The following MORN1 variants were observed in gnomAD, a reference collection of about 807,000 sequenced individuals.
The protein encoded by MORN1 is MORN repeat containing 1, also known as MORN repeat-containing protein 1.
A neutral mutation model predicts 61.9 loss-of-function variants in MORN1; 67 were observed. The observed-to-expected ratio is 1.08, with a 90% CI of 0.89 to 1.33. The LOEUF (loss-of-function observed/expected upper bound fraction) is 1.33. Among genes scored for constraint, MORN1 ranks in the 40% most tolerant of loss-of-function variants. The pLI, the probability that MORN1 is intolerant of heterozygous loss-of-function variation, is 0.00. For missense variants in MORN1, 752 were observed against 691.2 expected (o/e 1.09, Z -0.99); for synonymous variants, 301 against 292.0 (o/e 1.03, Z -0.31).
intron 2 of MORN1, 159 bp from the exon 3 acceptor site, chr1:2,388,496 AT>A (rs1173504150): frequency 3.1e-5 from 18 of 585,118 alleles, no homozygotes; most frequent in Non-Finnish European, 4.5e-5. Context: ...AAATAAAAAA[AT>A]GTTCTCAAAA....
intron 10 of MORN1, among the ~76,000 whole-genome samples, chr1:2,340,208 C>CT (rs1491177083): frequency 6.6e-6 from 1 of 152,142 alleles, no homozygotes; most frequent in Non-Finnish European, 1.5e-5. Flanking sequence ...GTTCACACCC[C>CT]TCTTTGGGTG....
At chr1:2,348,691 ACACACGCACG>A (rs1443210610) in intron 10 of MORN1, among the ~76,000 whole-genome samples, 6 of 149,446 alleles carry the variant, frequency 4.0e-5, no homozygotes, top group East Asian at 4.0e-4. Context: ...AGGCACGCAC[ACACACGCACG>A]CACACGCACA....
intron 10 of MORN1, chr1:2,351,765 T>C: frequency 1.8e-6 from 1 of 560,292 alleles, no homozygotes; most frequent in Middle Eastern, 3.5e-4. Flanking sequence ...GTCAAAAGCC[T>C]TGAAGGTGCC....
At chr1:2,366,177 G>A (rs1641991989) in intron 8 of MORN1, among the ~76,000 whole-genome samples, 3 of 151,340 alleles carry the variant, frequency 2.0e-5, no homozygotes. Context: ...GTCCTTTGTA[G>A]GGACATGGAT....
At position 2,321,310 on chromosome 1, in the gene MORN1, G is replaced by C. The variant is rs1488099967; in HGVS notation, c.*73C>G. 2.6e-6 allele frequency: 3 copies of C among 1,136,712 alleles called. No individual in the cohort carries two copies. Among genetic ancestry groups the C allele is most frequent in the Non-Finnish European group, 3.6e-6 (3 of 829,348 alleles). 70.4% of individuals were successfully genotyped at this position (1,136,712 alleles called of 1,614,324 possible). ...AACCACGGGGCTCTGGAGAATCGGG[G>C]AGCAGAGTCACGCAAGCAGAGGCAG... On this transcript the variant is annotated 3_prime_UTR_variant, in exon 14 of 14. Transcript: ENST00000378531.
intron 2 of MORN1, among the ~76,000 whole-genome samples, chr1:2,389,527 C>T (rs920685710): frequency 1.3e-5 from 2 of 152,230 alleles, no homozygotes; most frequent in Non-Finnish European, 2.9e-5. Flanking sequence ...CTTGGCCTCC[C>T]AAAGTACTGG....
intron 6 of MORN1, chr1:2,378,758 G>T: frequency 2.7e-6 from 1 of 365,602 alleles, no homozygotes; most frequent in South Asian, 2.1e-5. Flanking sequence ...GAGGACGTGT[G>T]GGGCCTGCCC....
chr1:2,384,518 C>T (rs1040239257), intron 6 of MORN1, among the ~76,000 whole-genome samples: 1 of 152,164 alleles, frequency 6.6e-6, no homozygotes, highest in South Asian at 2.1e-4. Flanking sequence ...AATTTGCATC[C>T]GTAAAGGAAG....
intron 10 of MORN1, among the ~76,000 whole-genome samples, chr1:2,353,554 C>T (rs115507962): frequency 7.0e-4 from 107 of 152,362 alleles, no homozygotes; most frequent in African/African-American, 2.5e-3. Flanking sequence ...CTGGGCCTCC[C>T]GGCCAGGAAT....
At chr1:2,348,671 A>G (rs1419010695) in intron 10 of MORN1, among the ~76,000 whole-genome samples, 3 of 138,050 alleles carry the variant, frequency 2.2e-5, no homozygotes, top group African/African-American at 5.0e-5. Flanking sequence ...ACGCACACGC[A>G]CACCTGCGCA....
chr1:2,333,339 C>T (rs1641199224), intron 12 of MORN1, among the ~76,000 whole-genome samples: 2 of 152,238 alleles, frequency 1.3e-5, no homozygotes, highest in East Asian at 1.9e-4. Context: ...CCGGGCCCAG[C>T]TCCCGAAGCC....
At chr1:2,388,909 C>T (rs1324175895) in intron 2 of MORN1, among the ~76,000 whole-genome samples, 2 of 151,352 alleles carry the variant, frequency 1.3e-5, no homozygotes, top group Non-Finnish European at 1.5e-5. Flanking sequence ...GTCAGGAGTT[C>T]GAGACCAGCC....
intron 12 of MORN1, among the ~76,000 whole-genome samples, chr1:2,336,234 G>T (rs1317097499): frequency 6.6e-6 from 1 of 152,200 alleles, no homozygotes; most frequent in African/African-American, 2.4e-5. Context: ...GAAGCAGATG[G>T]ACCGGCTCCA....
chr1:2,348,038 C>T (rs1641553197), intron 10 of MORN1, among the ~76,000 whole-genome samples: 2 of 152,220 alleles, frequency 1.3e-5, no homozygotes, highest in African/African-American at 4.8e-5. Context: ...CCTGGGCTTC[C>T]CCGTGGCCCA....
At position 2,358,716 on chromosome 1, in the gene MORN1, C is replaced by A; in HGVS notation, c.746-1G>T. The A allele has an allele frequency of 6.2e-7, 1 of 1,608,466 alleles. No homozygotes were observed. Among genetic ancestry groups the A allele is most frequent in the Non-Finnish European group, 8.5e-7 (1 of 1,177,018 alleles). On this transcript the variant is annotated splice_acceptor_variant, in intron 8 of 13. Transcript: ENST00000378531. LOFTEE classifies it high-confidence loss of function. ...ATCTGCAGGACCCGGCCGCTCTCGC[C>A]TTCCAGGAGAGAGGAGCAGGCAGTG...
intron 8 of MORN1, among the ~76,000 whole-genome samples, chr1:2,360,223 C>T (rs1175386365): frequency 1.3e-5 from 2 of 152,330 alleles, no homozygotes; most frequent in East Asian, 3.9e-4. Context: ...TTACTAAGAT[C>T]TGGCAAAGGA....
chr1:2,321,595 G>A lies in MORN1; in HGVS notation c.1298-16C>T. The A allele has an allele frequency of 6.8e-7, 1 of 1,465,764 alleles. No individual in the cohort carries two copies. Among genetic ancestry groups the A allele is most frequent in the Admixed American group, 2.5e-5 (1 of 40,066 alleles). 90.8% of individuals were successfully genotyped at this position (1,465,764 alleles called of 1,614,324 possible). A position where few individuals can be genotyped will look rare whatever the true frequency, so the allele number is the denominator to read the frequency against. ...ACGTACTCCCCTGCAAGGGGCGGGT[G>A]GGCTGGTCCTCAGCAGGCTCCTGTC... On this transcript the variant is annotated splice_polypyrimidine_tract_variant and intron_variant, in intron 13 of 13. Transcript: ENST00000378531.
intron 10 of MORN1, among the ~76,000 whole-genome samples, chr1:2,339,879 C>A (rs1641357033): frequency 6.6e-6 from 1 of 152,260 alleles, no homozygotes; most frequent in South Asian, 2.1e-4. Context: ...GAAGGCCCAG[C>A]CAAAGTGTCC....
chr1:2,390,485 T>C (rs1642623212), intron 1 of MORN1: 1 of 985,404 alleles, frequency 1.0e-6, no homozygotes, highest in Non-Finnish European at 1.2e-6. Flanking sequence ...CCTGGCCGGC[T>C]TCATCTCCTC....
Sources: gnomAD v4.1 joint callset for allele counts (sites outside exome capture counted in the v4.1 genomes callset) on GRCh38, gnomAD v4.1.1 for gene constraint, MANE v1.5 for transcripts, NCBI Gene and HGNC (gene_info 2026-07-23, HGNC 2026-07-21) for gene names.